Variants in LINGO2 observed in about 807,000 individuals in gnomAD.
LINGO2 encodes leucine rich repeat and Ig domain containing 2.
In LINGO2, 14 loss-of-function variants were observed where a neutral mutation model predicts 30.6. That is an observed-to-expected ratio of 0.46 (90% CI 0.30 to 0.72). LINGO2 has a LOEUF of 0.72. Ranked by LOEUF, LINGO2 falls within the 30% of genes least tolerant of loss-of-function variation. The pLI, the probability that LINGO2 is intolerant of heterozygous loss-of-function variation, is 0.07. For missense variants in LINGO2, 729 were observed against 751.7 expected, an observed-to-expected ratio of 0.97 and a Z score of 0.35; for synonymous variants, 317 against 288.5, an observed-to-expected ratio of 1.10 and a Z score of -1.00.
the LINGO2 span, among the ~76,000 whole-genome samples, chr9:29,182,831 G>A: frequency 6.6e-6 from 1 of 151,974 alleles, no homozygotes; most frequent in Non-Finnish European, 1.5e-5. Context: ...ACTGATTTTA[G>A]AGTTTTAAAT....
chr9:28,440,716 G>T (rs1481373778), intron 2 of LINGO2, among the ~76,000 whole-genome samples: 1 of 152,028 alleles, frequency 6.6e-6, no homozygotes, highest in African/African-American at 2.4e-5. Flanking sequence ...CTATGAAGTA[G>T]GATTAAAAAT....
chr9:28,172,535 A>C (rs1440529544), intron 4 of LINGO2, among the ~76,000 whole-genome samples: 1 of 152,180 alleles, frequency 6.6e-6, no homozygotes, highest in Admixed American at 6.5e-5. Flanking sequence ...TCTTGACTTA[A>C]AGTTTGGATA....
chr9:29,101,544 G>A, the LINGO2 span, among the ~76,000 whole-genome samples: 2 of 152,126 alleles, frequency 1.3e-5, no homozygotes, highest in African/African-American at 2.4e-5. Flanking sequence ...CCCCTCCCCC[G>A]TGTAGTGTCT....
At chr9:28,054,010 T>C (rs117029354) in intron 4 of LINGO2, among the ~76,000 whole-genome samples, 2,828 of 152,048 alleles carry the variant, frequency 0.019, 33 homozygotes, top group Non-Finnish European at 0.025. Flanking sequence ...CGAGGGCCTG[T>C]ATATATGCAA....
chr9:28,966,274 G>A, the LINGO2 span, among the ~76,000 whole-genome samples: 20 of 152,096 alleles, frequency 1.3e-4, no homozygotes, highest in South Asian at 2.1e-4. Context: ...GGTAAGAATC[G>A]AGGCCTCTTT....
chr9:27,959,090 T>G (rs1819713741), intron 5 of LINGO2, among the ~76,000 whole-genome samples: 1 of 152,170 alleles, frequency 6.6e-6, no homozygotes, highest in Non-Finnish European at 1.5e-5. Context: ...TAAACTTCCC[T>G]TATTATTCTT....
At chr9:29,023,989 TTTC>T in the LINGO2 span, among the ~76,000 whole-genome samples, 1 of 152,032 alleles carries the variant, frequency 6.6e-6, no homozygotes, top group Non-Finnish European at 1.5e-5. Context: ...TATTCCAACC[TTTC>T]TTCTTCTTCT....
At chr9:28,522,827 C>T (rs1820876052) in intron 1 of LINGO2, among the ~76,000 whole-genome samples, 1 of 151,132 alleles carries the variant, frequency 6.6e-6, no homozygotes, top group East Asian at 2.0e-4. Flanking sequence ...AACAGCTAGG[C>T]AGGAGGATAT....
rs184463892 is a variant in LINGO2, at chr9:28,513,335, C to T, written c.-364-37310G>A. Among the ~76,000 whole-genome samples, 3 of 152,300 alleles carry T rather than the reference C, an allele frequency of 2.0e-5. No homozygotes were observed. In the East Asian group the frequency reaches 5.8e-4, roughly 29 times the overall value. ...TGTTACGGTGTCTACATTTCAGACT[C>T]AAAGTGAATATTCTTTTAAATAACA... On this transcript the variant is annotated intron_variant, in intron 1 of 5. Transcript: ENST00000379992.
At chr9:28,827,708 T>C in the LINGO2 span, among the ~76,000 whole-genome samples, 10 of 152,116 alleles carry the variant, frequency 6.6e-5, no homozygotes, top group Non-Finnish European at 1.3e-4. Context: ...TATAACAAAA[T>C]GTACAAGATT....
intron 3 of LINGO2, among the ~76,000 whole-genome samples, chr9:28,299,478 A>T (rs1824054692): frequency 6.6e-6 from 1 of 152,028 alleles, no homozygotes; most frequent in Non-Finnish European, 1.5e-5. Flanking sequence ...TAGTCTGATG[A>T]AAAGGTCAGA....
the LINGO2 span, among the ~76,000 whole-genome samples, chr9:28,901,772 C>T: frequency 6.6e-6 from 1 of 150,970 alleles, no homozygotes; most frequent in African/African-American, 2.4e-5. Context: ...AGAAAGATAG[C>T]AAGAGAGGTA....
intron 4 of LINGO2, among the ~76,000 whole-genome samples, chr9:28,290,040 T>G (rs769052666): frequency 6.6e-6 from 1 of 152,204 alleles, no homozygotes; most frequent in African/African-American, 2.4e-5. Context: ...TCCTTTCTAG[T>G]GTTGCCCTGG....
At chr9:28,562,675 G>A (rs1823160543) in intron 1 of LINGO2, among the ~76,000 whole-genome samples, 2 of 151,928 alleles carry the variant, frequency 1.3e-5, no homozygotes, top group African/African-American at 4.8e-5. Flanking sequence ...TCTTTCTGAT[G>A]TTGTAAAGGT....
chr9:28,538,625 C>T (rs532493923), intron 1 of LINGO2, among the ~76,000 whole-genome samples: 13 of 152,200 alleles, frequency 8.5e-5, no homozygotes, highest in African/African-American at 1.9e-4. Flanking sequence ...CCAGAGGCTA[C>T]GAAGTCCAAG....
chr9:28,383,482 G>C (rs1304512194), intron 2 of LINGO2, among the ~76,000 whole-genome samples: 1 of 152,058 alleles, frequency 6.6e-6, no homozygotes. Flanking sequence ...GAGGCTACTG[G>C]TGAGGCAGCA....
intron 1 of LINGO2, among the ~76,000 whole-genome samples, chr9:28,638,574 C>T (rs2135921381): frequency 6.6e-6 from 1 of 152,158 alleles, no homozygotes; most frequent in Admixed American, 6.5e-5. Flanking sequence ...AGGAATTTAC[C>T]CATTTCTTCT....
chr9:28,837,661 C>CATATATATATATATATATATATATATAT, the LINGO2 span, among the ~76,000 whole-genome samples: 1 of 89,402 alleles, frequency 1.1e-5, no homozygotes, highest in Non-Finnish European at 2.0e-5. Flanking sequence ...TATATATATA[C>CATATATATATATATATATATATATATAT]ATATATATAT....
rs146797965 is a variant in LINGO2, at chr9:28,200,119, C to A, written c.-87+95089G>T. On this transcript the variant is annotated intron_variant, in intron 4 of 5. Coordinates refer to ENST00000379992, the Ensembl canonical transcript of LINGO2. Reference sequence around the variant, plus strand: ...AGGGAATTTTTAAAAGAAAAAGGAGCTCTGTGTTCACAAATAACAGAGTAT... The same window carrying A: ...AGGGAATTTTTAAAAGAAAAAGGAGATCTGTGTTCACAAATAACAGAGTAT... 1.9e-3 allele frequency among the ~76,000 whole-genome samples: 292 copies of A among 152,098 alleles called. 2 individuals carry two copies. Among genetic ancestry groups the A allele is most frequent in the African/African-American group, 6.8e-3 (283 of 41,486 alleles).
Sources: allele counts gnomAD v4.1 joint callset (sites outside exome capture counted in the v4.1 genomes callset), GRCh38; gene constraint gnomAD v4.1.1; transcripts MANE v1.5; gene names NCBI Gene and HGNC (gene_info 2026-07-23, HGNC 2026-07-21).